The following KCNN2 variants were observed in gnomAD, a reference collection of about 807,000 sequenced individuals.
KCNN2 encodes the protein potassium calcium-activated channel subfamily N member 2, also known as small conductance calcium-activated potassium channel protein 2.
Under a neutral mutation model 55.5 loss-of-function variants are expected in KCNN2, and 24 were observed. The ratio of observed to expected loss-of-function variants is 0.43; its 90% CI spans 0.31 to 0.61. The LOEUF is 0.61. Ranked by LOEUF, KCNN2 falls within the 20% of genes least tolerant of loss-of-function variation. The pLI is 0.08. For missense variants in KCNN2, 754 were observed against 853.6 expected, an observed-to-expected ratio of 0.88 and a Z score of 1.45; for synonymous variants, 431 against 336.1, an observed-to-expected ratio of 1.28 and a Z score of -3.09.
chr5:114,166,838 G>C (rs903381326), intron 1 of KCNN2, among the ~76,000 whole-genome samples: 1 of 152,062 alleles, frequency 6.6e-6, no homozygotes, highest in Non-Finnish European at 1.5e-5. Flanking sequence ...TGATGAATGA[G>C]ATCAGTGCCC....
In KCNN2 at chr5:114,404,935, G is replaced by T; in HGVS notation, c.1637+79G>T. ...GTAAGAAAAAAAAAATTTTAGACTT[G>T]AGACGTGTAGTGTCTCACTCTTAAA... On this transcript the variant is annotated intron_variant, in intron 3 of 7. Transcript: ENST00000673685. 4 of 1,276,340 alleles carry T rather than the reference G, an allele frequency of 3.1e-6. No individual in the cohort carries two copies. The South Asian group carries it at 4.4e-5, about 14-fold the overall frequency. The allele number at this position is 1,276,340 out of a possible 1,614,324, so 79.1% of individuals were successfully genotyped here.
At chr5:114,204,359 G>A (rs1304273505) in intron 1 of KCNN2, among the ~76,000 whole-genome samples, 1 of 152,110 alleles carries the variant, frequency 6.6e-6, no homozygotes, top group Non-Finnish European at 1.5e-5. Context: ...CTACTGAAGA[G>A]AATGTTTAAC....
intron 2 of KCNN2, among the ~76,000 whole-genome samples, chr5:114,310,914 C>T (rs1580712895): frequency 6.6e-6 from 1 of 152,096 alleles, no homozygotes; most frequent in South Asian, 2.1e-4. Flanking sequence ...TGAGGTACAG[C>T]ACTATCTAAG....
chr5:114,325,667 T>C (rs1037461535), intron 2 of KCNN2, among the ~76,000 whole-genome samples: 1 of 152,138 alleles, frequency 6.6e-6, no homozygotes, highest in African/African-American at 2.4e-5. Context: ...TCTAATGGAG[T>C]AAACTCCTAT....
chr5:114,158,831 T>G (rs1220866722), intron 1 of KCNN2, among the ~76,000 whole-genome samples: 1 of 152,202 alleles, frequency 6.6e-6, no homozygotes, highest in Non-Finnish European at 1.5e-5. Flanking sequence ...TAAGAATGCT[T>G]GTGATTTTTG....
intron 2 of KCNN2, among the ~76,000 whole-genome samples, chr5:114,281,683 A>C (rs1468715272): frequency 9.9e-6 from 1 of 101,222 alleles, no homozygotes; most frequent in Non-Finnish European, 2.3e-5. Context: ...TATCCTAGTC[A>C]GATTTTGCAG....
chr5:114,153,619 G>A (rs1752570704), intron 1 of KCNN2, among the ~76,000 whole-genome samples: 1 of 152,332 alleles, frequency 6.6e-6, no homozygotes, highest in African/African-American at 2.4e-5. Context: ...GTGCAGACAG[G>A]AGAAGCTTGA....
chr5:114,178,108 A>C (rs2112550376), intron 1 of KCNN2, among the ~76,000 whole-genome samples: 1 of 152,346 alleles, frequency 6.6e-6, no homozygotes, highest in Admixed American at 6.5e-5. Context: ...CAAGGAAGAA[A>C]ATGAAGATAA....
At chr5:114,464,480 G>GGTT (rs1271125393) in intron 4 of KCNN2, among the ~76,000 whole-genome samples, 1 of 152,142 alleles carries the variant, frequency 6.6e-6, no homozygotes, top group Non-Finnish European at 1.5e-5. Flanking sequence ...GAGAGCAGAG[G>GGTT]GTTGTCATTT....
chr5:114,386,415 T>G (rs1758289419), intron 2 of KCNN2, among the ~76,000 whole-genome samples: 1 of 152,168 alleles, frequency 6.6e-6, no homozygotes, highest in Non-Finnish European at 1.5e-5. Flanking sequence ...TTCAATTAAA[T>G]TTGATTGAGT....
intron 5 of KCNN2, among the ~76,000 whole-genome samples, chr5:114,480,625 C>G (rs912779486): frequency 4.6e-5 from 7 of 152,166 alleles, no homozygotes; most frequent in Non-Finnish European, 1.0e-4. Flanking sequence ...CAATAAAATA[C>G]TGGCAAACTA....
At chr5:114,142,955 T>A (rs781765721) in intron 1 of KCNN2, among the ~76,000 whole-genome samples, 6 of 152,136 alleles carry the variant, frequency 3.9e-5, no homozygotes, top group Non-Finnish European at 8.8e-5. Flanking sequence ...ACGCTACCTG[T>A]ATTGCGGGAT....
intron 1 of KCNN2, among the ~76,000 whole-genome samples, chr5:114,134,848 A>C (rs1297402819): frequency 6.6e-6 from 1 of 152,202 alleles, no homozygotes; most frequent in Non-Finnish European, 1.5e-5. Context: ...CAAGAACAAG[A>C]AAATGTGAAA....
intron 7 of KCNN2, among the ~76,000 whole-genome samples, chr5:114,494,507 C>T (rs926481103): frequency 2.6e-5 from 4 of 151,432 alleles, no homozygotes; most frequent in South Asian, 2.1e-4. Context: ...CCTCGATTAA[C>T]GTGTATAAAT....
rs576446473 is a variant in KCNN2, at chr5:114,174,488, C to G, written c.-270-46992C>G. Among the ~76,000 whole-genome samples, 22 of 152,178 alleles carry G rather than the reference C, an allele frequency of 1.4e-4. No individual in the cohort carries two copies. The South Asian group carries it at 4.4e-3, about 30-fold the overall frequency. On this transcript the variant is annotated intron_variant, in intron 1 of 10. Coordinates refer to the KCNN2 transcript ENST00000512097. ...TTTATGTTTGGAAACCCTAAGTTTT[C>G]TTGTATTTCTTACTTCACTTCTGAA...
intron 2 of KCNN2, among the ~76,000 whole-genome samples, chr5:114,350,747 T>C (rs1000440381): frequency 1.3e-5 from 2 of 152,004 alleles, no homozygotes; most frequent in South Asian, 4.1e-4. Context: ...GGCACCCTTA[T>C]TAAAGGTCAA....
At chr5:114,396,196 G>A (rs1758611516) in intron 2 of KCNN2, among the ~76,000 whole-genome samples, 2 of 152,112 alleles carry the variant, frequency 1.3e-5, no homozygotes, top group South Asian at 4.1e-4. Flanking sequence ...CCATCAGCAA[G>A]TTCTGACAAG....
intron 2 of KCNN2, among the ~76,000 whole-genome samples, chr5:114,291,902 A>T (rs1755897525): frequency 6.6e-6 from 1 of 152,152 alleles, no homozygotes; most frequent in South Asian, 2.1e-4. Flanking sequence ...GTGAGATGGT[A>T]TCTCATTGTG....
chr5:114,495,925 G>T lies in KCNN2; in HGVS notation c.2119G>T (p.Asp707Tyr). The T allele has an allele frequency of 6.2e-7, 1 of 1,613,880 alleles. No homozygotes were observed. The highest frequency in any genetic ancestry group is 1.1e-5 in the South Asian group (1 of 91,038). Residue 707 changes from aspartate (D) to tyrosine (Y), a missense_variant, in exon 8 of 8, where the codon GAC (aspartate) becomes TAC (tyrosine). This residue lies in a region of KCNN2 where 164 missense variants were observed against 156.6 expected (regional missense o/e 1.05). Coordinates refer to ENST00000673685, the MANE Select transcript of KCNN2 (RefSeq NM_021614.4). ...GAACATCATGTATGATATGATTTCT[G>T]ACTTAAACGAAAGGAGTGAAGACTT... ...TQNIMYDMIS[D>Y]LNERSEDFEK...
Sources: allele counts gnomAD v4.1 joint callset (sites outside exome capture counted in the v4.1 genomes callset), GRCh38; gene constraint gnomAD v4.1.1; regional missense constraint gnomAD v4.1.1; transcripts MANE v1.5; gene names NCBI Gene and HGNC (gene_info 2026-07-23, HGNC 2026-07-21).